The following NELL1 variants were observed in gnomAD, a reference collection of about 807,000 sequenced individuals.
NELL1 encodes the protein neural EGFL like 1, also known as protein kinase C-binding protein NELL1.
NELL1 carries 76 observed loss-of-function variants against 107.4 expected under a neutral mutation model. That is an observed-to-expected ratio of 0.71 (90% CI 0.59 to 0.86). The LOEUF (loss-of-function observed/expected upper bound fraction) is 0.86, where lower values mean the gene tolerates loss of function less well. NELL1 is among the 40% of genes least tolerant of loss of function. NELL1 has a pLI of 0.00. For missense variants in NELL1, 1,024 were observed against 1,005.5 expected (o/e 1.02, Z -0.25); for synonymous variants, 353 against 341.2 (o/e 1.03, Z -0.38).
At chr11:21,534,847 G>A (rs1165547763) in intron 16 of NELL1, among the ~76,000 whole-genome samples, 6 of 152,112 alleles carry the variant, frequency 3.9e-5, no homozygotes, top group Non-Finnish European at 5.9e-5. Context: ...GGAGGCAACT[G>A]TAGAGATGAG....
chr11:21,311,778 T>C (rs1239058230), intron 14 of NELL1, among the ~76,000 whole-genome samples: 1 of 152,144 alleles, frequency 6.6e-6, no homozygotes, highest in Non-Finnish European at 1.5e-5. Flanking sequence ...CTCAGTTAAT[T>C]CTCTCAAACT....
intron 12 of NELL1, among the ~76,000 whole-genome samples, chr11:20,971,976 G>C (rs1422806429): frequency 6.9e-6 from 1 of 145,818 alleles, no homozygotes; most frequent in Non-Finnish European, 1.5e-5. Context: ...GTTGAACAAT[G>C]AGAACACATG....
chr11:21,178,663 C>T (rs534005543), intron 13 of NELL1, among the ~76,000 whole-genome samples: 9 of 150,670 alleles, frequency 6.0e-5, no homozygotes, highest in South Asian at 4.2e-4. Context: ...ACTCAGGAGG[C>T]GGAGATGAGA....
intron 15 of NELL1, among the ~76,000 whole-genome samples, chr11:21,508,655 T>A (rs1855358495): frequency 6.6e-6 from 1 of 152,136 alleles, no homozygotes; most frequent in Non-Finnish European, 1.5e-5. Context: ...GTGAACATGT[T>A]GCTTTTATCT....
intron 1 of NELL1, among the ~76,000 whole-genome samples, chr11:20,676,601 C>G (rs1220396581): frequency 6.6e-6 from 1 of 152,180 alleles, no homozygotes; most frequent in African/African-American, 2.4e-5. Context: ...TCTAAAGAGG[C>G]CTTCCTGACC....
intron 14 of NELL1, among the ~76,000 whole-genome samples, chr11:21,286,425 A>G (rs1297493188): frequency 6.6e-6 from 1 of 152,180 alleles, no homozygotes; most frequent in East Asian, 1.9e-4. Context: ...CGTGCACCAA[A>G]GGCATGTTCT....
chr11:20,787,930 G>T (rs1590294986), intron 3 of NELL1, among the ~76,000 whole-genome samples: 1 of 151,992 alleles, frequency 6.6e-6, no homozygotes, highest in Admixed American at 6.6e-5. Context: ...TGCCTATTTT[G>T]GTTATTTCAT....
At chr11:21,550,481 G>T (rs1426957932) in intron 16 of NELL1, among the ~76,000 whole-genome samples, 1 of 151,938 alleles carries the variant, frequency 6.6e-6, no homozygotes, top group Non-Finnish European at 1.5e-5. Context: ...TAGGTCTAAT[G>T]TTTAAGTCTT....
At chr11:20,935,940 AGAG>A (rs892839159) in intron 9 of NELL1, among the ~76,000 whole-genome samples, 35 of 152,260 alleles carry the variant, frequency 2.3e-4, no homozygotes, top group African/African-American at 8.4e-4. Context: ...CCATTCACTG[AGAG>A]GAGAATACAG....
chr11:21,306,758 C>T (rs530321927), intron 14 of NELL1, among the ~76,000 whole-genome samples: 1 of 152,162 alleles, frequency 6.6e-6, no homozygotes, highest in South Asian at 2.1e-4. Flanking sequence ...ATTATGAGCA[C>T]AAGGTTATTA....
At chr11:20,800,758 G>A (rs765007654) in intron 3 of NELL1, among the ~76,000 whole-genome samples, 4 of 152,190 alleles carry the variant, frequency 2.6e-5, no homozygotes, top group African/African-American at 7.2e-5. Flanking sequence ...CGATGAGGAT[G>A]TGCCCGTGGC....
intron 15 of NELL1, among the ~76,000 whole-genome samples, chr11:21,510,877 C>G (rs1324688933): frequency 6.6e-6 from 1 of 152,068 alleles, no homozygotes; most frequent in East Asian, 1.9e-4. Context: ...AAAAGAATAA[C>G]TTTTATATGT....
At chr11:20,782,698 G>T (rs1421312767) in intron 2 of NELL1, among the ~76,000 whole-genome samples, 1 of 152,222 alleles carries the variant, frequency 6.6e-6, no homozygotes, top group Non-Finnish European at 1.5e-5. Flanking sequence ...TTATCTTGCA[G>T]TCAGAGGAGA....
At chr11:21,078,661 C>CAT (rs1399260349) in intron 12 of NELL1, among the ~76,000 whole-genome samples, 1 of 152,052 alleles carries the variant, frequency 6.6e-6, no homozygotes, top group Non-Finnish European at 1.5e-5. Context: ...GAGATACACA[C>CAT]ATATATACAT....
chr11:20,732,556 T>A (rs1266733485), intron 2 of NELL1, among the ~76,000 whole-genome samples: 1 of 152,094 alleles, frequency 6.6e-6, no homozygotes, highest in Non-Finnish European at 1.5e-5. Context: ...TCTGAGGATT[T>A]GGAGATCATT....
At chr11:21,496,196 AC>A (rs923290426) in intron 15 of NELL1, among the ~76,000 whole-genome samples, 13 of 151,836 alleles carry the variant, frequency 8.6e-5, no homozygotes, top group African/African-American at 3.1e-4. Flanking sequence ...TTTTTGAAAA[AC>A]TATACATTTC....
At chr11:20,829,628 A>G (rs538405122) in intron 3 of NELL1, among the ~76,000 whole-genome samples, 3 of 152,190 alleles carry the variant, frequency 2.0e-5, no homozygotes, top group South Asian at 4.1e-4. Context: ...TGTCCAGCCC[A>G]CATTTCATTT....
chr11:21,352,877 C>T (rs1411097656), intron 14 of NELL1, among the ~76,000 whole-genome samples: 2 of 152,248 alleles, frequency 1.3e-5, no homozygotes, highest in South Asian at 2.1e-4. Flanking sequence ...TGGATGAAGC[C>T]GTGAGATGCC....
At chr11:20,886,988 T>TC (rs1849522622) in intron 5 of NELL1, among the ~76,000 whole-genome samples, 1 of 152,132 alleles carries the variant, frequency 6.6e-6, no homozygotes, top group Admixed American at 6.6e-5. Flanking sequence ...AAAATTTCCA[T>TC]CCCCCTTTGT....
Sources: gnomAD v4.1 joint callset for allele counts (sites outside exome capture counted in the v4.1 genomes callset) on GRCh38, gnomAD v4.1.1 for gene constraint, MANE v1.5 for transcripts, NCBI Gene and HGNC (gene_info 2026-07-23, HGNC 2026-07-21) for gene names.